Variants in KIF14 observed in about 807,000 individuals in gnomAD.
KIF14 encodes the protein kinesin-like protein KIF14.
A neutral mutation model predicts 176.2 loss-of-function variants in KIF14; 98 were observed. That is an observed-to-expected ratio of 0.56 (90% CI 0.47 to 0.66). KIF14 has a LOEUF of 0.66. Among genes scored for constraint, KIF14 ranks in the 30% least tolerant of loss-of-function variants. The pLI, the probability that KIF14 is intolerant of heterozygous loss-of-function variation, is 0.00. For missense variants in KIF14, 1,751 were observed against 1,920.4 expected, an observed-to-expected ratio of 0.91 and a Z score of 1.65; for synonymous variants, 566 against 632.2, an observed-to-expected ratio of 0.90 and a Z score of 1.57.
At chr1:200,593,644 T>C (rs761001934) in intron 15 of KIF14, 23 bp downstream of exon 15, 5 of 1,382,570 alleles carry the variant, frequency 3.6e-6, no homozygotes, top group South Asian at 2.3e-5. Flanking sequence ...CAGTTTCTTA[T>C]ATTATAGCAC....
chr1:200,612,215 C>T (rs1660192286), intron 4 of KIF14, among the ~76,000 whole-genome samples: 1 of 152,106 alleles, frequency 6.6e-6, no homozygotes. Context: ...GTTGGCCAGG[C>T]TGGTCTCAAA....
intron 21 of KIF14, among the ~76,000 whole-genome samples, chr1:200,576,096 C>T (rs1213237552): frequency 1.3e-5 from 2 of 152,196 alleles, no homozygotes; most frequent in Admixed American, 1.3e-4. Context: ...ATAACAATTA[C>T]AGTTCTAGCA....
chr1:200,588,572 G>A (rs1658881945), intron 18 of KIF14, among the ~76,000 whole-genome samples: 1 of 152,148 alleles, frequency 6.6e-6, no homozygotes, highest in Non-Finnish European at 1.5e-5. Flanking sequence ...TTCCCAAGGT[G>A]ATGTTGATGT....
chr1:200,577,488 C>T (rs1658184653), intron 21 of KIF14, among the ~76,000 whole-genome samples: 1 of 151,618 alleles, frequency 6.6e-6, no homozygotes, highest in Non-Finnish European at 1.5e-5. Flanking sequence ...ATTTTTATAG[C>T]TGTGTTGATA....
chr1:200,611,675 G>A (rs547257196), intron 4 of KIF14, among the ~76,000 whole-genome samples: 2 of 152,284 alleles, frequency 1.3e-5, no homozygotes, highest in East Asian at 1.9e-4. Flanking sequence ...CTTCTCCTCT[G>A]AGGCTCCTGC....
In KIF14 at chr1:200,554,751, A is replaced by G. The variant is rs150107903; in HGVS notation, c.4429-145T>C. Reference sequence around the variant, plus strand: ...CACCAGTGCTTAACTCTATTTCTATAAGCAAGACCAAAATACAATAGTAAT... The same window carrying G: ...CACCAGTGCTTAACTCTATTTCTATGAGCAAGACCAAAATACAATAGTAAT... On this transcript the variant is annotated intron_variant, in intron 28 of 29. Transcript: ENST00000367350. 1.6e-3 allele frequency: 832 copies of G among 507,742 alleles called. 7 individuals carry two copies. The highest frequency in any genetic ancestry group is 0.015 in the African/African-American group (751 of 49,832). The allele number at this position is 507,742 out of a possible 1,614,324, so 31.5% of individuals were successfully genotyped here.
In KIF14 at chr1:200,618,633, T is replaced by C. The variant is rs959990427; in HGVS notation, c.91A>G (p.Thr31Ala). Residue 31 changes from threonine to alanine, a missense_variant, in exon 2 of 30, where the codon ACC (threonine) becomes GCC (alanine). Thr to Ala is a moderately conservative substitution (Grantham distance 58). Transcript: ENST00000367350. The stretch of plus-strand genomic sequence containing the variant: ...TGCAGCTTAAGTCGGCTACTGTGGG[T>C]GAGGGCATTCAGTGATGAACTATTT... ...SQNSSSLNAL[T>A]HSSRLKLHLK... The C allele has an allele frequency of 1.2e-6, 2 of 1,613,922 alleles. No individual in the cohort carries two copies. The highest frequency in any genetic ancestry group is 1.3e-5 in the African/African-American group (1 of 74,944).
At chr1:200,558,616 C>T (rs1190356153) in intron 27 of KIF14, among the ~76,000 whole-genome samples, 1 of 152,090 alleles carries the variant, frequency 6.6e-6, no homozygotes, top group Non-Finnish European at 1.5e-5. Flanking sequence ...ATAGAAATGG[C>T]TAAGATTTAC....
Position 200,605,252 on chromosome 1 carries a change from G to A in KIF14, c.1746+31C>T, listed in dbSNP as rs1388829990. 3.9e-6 allele frequency: 6 copies of A among 1,557,322 alleles called. No individual in the cohort carries two copies. In the African/African-American group the frequency reaches 8.6e-5, roughly 22 times the overall value. On this transcript the variant is annotated intron_variant, in intron 8 of 29. Coordinates refer to ENST00000367350, the MANE Select transcript of KIF14 (RefSeq NM_014875.3). ...CTGGGTTATCACCAGGGTGAAAACTGAAAGAGATCGGGAACTTTTAAAAAA... is the reference window on the plus strand; with the variant it reads ...CTGGGTTATCACCAGGGTGAAAACTAAAAGAGATCGGGAACTTTTAAAAAA...
chr1:200,589,234 T>C lies in KIF14; in HGVS notation c.3097A>G (p.Thr1033Ala). The part of the protein sequence containing the change: ...YVNKKRLEME[T>A]LATKQALEDH... ...AAAATTACCTGTTTTGTAGCCAATGTTTCCATTTCTAATCGCTTTTTGTTG... is the reference window on the plus strand; with the variant it reads ...AAAATTACCTGTTTTGTAGCCAATGCTTCCATTTCTAATCGCTTTTTGTTG... The change falls in exon 18 of 30, where the codon ACA becomes GCA. Residue 1033 changes from threonine (T) to alanine (A), a missense_variant. Coordinates refer to ENST00000367350, the MANE Select transcript of KIF14 (RefSeq NM_014875.3). 13 of 1,605,730 alleles carry C rather than the reference T, an allele frequency of 8.1e-6. No individual in the cohort carries two copies. The highest frequency in any genetic ancestry group is 1.1e-5 in the Non-Finnish European group (13 of 1,176,342).
At chr1:200,608,696 G>C (rs1660007472) in intron 5 of KIF14, 134 bp downstream of exon 5, 1 of 607,732 alleles carries the variant, frequency 1.6e-6, no homozygotes, top group South Asian at 2.2e-5. Flanking sequence ...AATCTAATTG[G>C]ACTGTAGATC....
At chr1:200,571,609 A>G (rs1657794266) in intron 22 of KIF14, among the ~76,000 whole-genome samples, 1 of 152,232 alleles carries the variant, frequency 6.6e-6, no homozygotes, top group African/African-American at 2.4e-5. Context: ...AAAGAAAAAT[A>G]CTATTTGTCG....
At position 200,553,261 on chromosome 1, in the gene KIF14, A is replaced by G; in HGVS notation, c.*127T>C. 9.8e-7 allele frequency: 1 copy of G among 1,016,804 alleles called. No individual in the cohort carries two copies. Among genetic ancestry groups the G allele is most frequent in the Non-Finnish European group, 1.4e-6 (1 of 710,506 alleles). 63.0% of individuals were successfully genotyped at this position (1,016,804 alleles called of 1,614,324 possible). A position where few individuals can be genotyped will look rare whatever the true frequency, so the allele number is the denominator to read the frequency against. ...TTTGATAAATAGATATTTTAAAGAT[A>G]AAAAGACATGGACTTTTTTGAAATA... On this transcript the variant is annotated 3_prime_UTR_variant, in exon 30 of 30. Coordinates refer to ENST00000367350, the MANE Select transcript of KIF14 (RefSeq NM_014875.3).
chr1:200,606,623 AATAG>A, intron 6 of KIF14, 119 bp downstream of exon 6: 1 of 834,066 alleles, frequency 1.2e-6, no homozygotes, highest in Middle Eastern at 2.3e-4. Flanking sequence ...AGGCTAAATA[AATAG>A]TTACCCAGGG....
chr1:200,570,953 C>A lies in KIF14; in HGVS notation c.3567-948G>T, dbSNP rs1657751146. 7.2e-5 allele frequency among the ~76,000 whole-genome samples: 11 copies of A among 152,234 alleles called. No homozygotes were observed. The South Asian group carries it at 2.3e-3, about 32-fold the overall frequency. ...AGGCCCCAGTGTCTATTATTCACTT[C>A]TTTGTGTCCATGTGTACTCAATGTT... On this transcript the variant is annotated intron_variant, in intron 22 of 29. Coordinates refer to ENST00000367350, the MANE Select transcript of KIF14 (RefSeq NM_014875.3).
At chr1:200,619,421 T>C (rs1304066859) in intron 1 of KIF14, among the ~76,000 whole-genome samples, 1 of 152,148 alleles carries the variant, frequency 6.6e-6, no homozygotes, top group African/African-American at 2.4e-5. Flanking sequence ...GGCACGACCT[T>C]GGCTTGCTGC....
chr1:200,555,329 T>TAA, intron 28 of KIF14, 51 bp downstream of exon 28: 1 of 1,158,410 alleles, frequency 8.6e-7, no homozygotes. Context: ...TTGAACCAAG[T>TAA]GAAATGATAA....
At chr1:200,584,595 G>A (rs757149020) in intron 19 of KIF14, among the ~76,000 whole-genome samples, 1 of 152,006 alleles carries the variant, frequency 6.6e-6, no homozygotes, top group Non-Finnish European at 1.5e-5. Flanking sequence ...AACAGAATAA[G>A]GATAAAAATC....
chr1:200,578,253 T>C (rs958744619), intron 21 of KIF14, among the ~76,000 whole-genome samples: 2 of 152,170 alleles, frequency 1.3e-5, no homozygotes, highest in African/African-American at 4.8e-5. Context: ...ATTCCTTTCA[T>C]TGCTTTCCTT....
Sources: gnomAD v4.1 joint callset for allele counts (sites outside exome capture counted in the v4.1 genomes callset) on GRCh38, gnomAD v4.1.1 for gene constraint, MANE v1.5 for transcripts, NCBI Gene and HGNC (gene_info 2026-07-23, HGNC 2026-07-21) for gene names.